GNAQ: variants seen among roughly 807,000 people sequenced by gnomAD.
The protein encoded by GNAQ is guanine nucleotide-binding protein G(q) subunit alpha.
In GNAQ, 8 loss-of-function variants were observed where a neutral mutation model predicts 43.9. The observed-to-expected ratio is 0.18, with a 90% confidence interval of 0.11 to 0.33. The LOEUF (loss-of-function observed/expected upper bound fraction) is 0.33. Ranked by LOEUF, GNAQ falls within the 10% of genes least tolerant of loss-of-function variation. The pLI is 1.00. For missense variants in GNAQ, 158 were observed against 450.8 expected (o/e 0.35, Z 5.88); for synonymous variants, 155 against 170.7 (o/e 0.91, Z 0.71).
At chr9:77,855,710 T>C (rs1218245689) in intron 2 of GNAQ, among the ~76,000 whole-genome samples, 1 of 152,044 alleles carries the variant, frequency 6.6e-6, no homozygotes, top group Non-Finnish European at 1.5e-5. Flanking sequence ...TTTAATTTCC[T>C]AGTGAAAGTC....
At chr9:77,907,530 C>T (rs1034637255) in intron 2 of GNAQ, among the ~76,000 whole-genome samples, 7 of 152,194 alleles carry the variant, frequency 4.6e-5, no homozygotes, top group African/African-American at 1.4e-4. Context: ...ACATGTCTTA[C>T]ACTTCCTCTG....
chr9:77,907,829 A>C (rs1828735758), intron 2 of GNAQ, among the ~76,000 whole-genome samples: 1 of 152,188 alleles, frequency 6.6e-6, no homozygotes, highest in Non-Finnish European at 1.5e-5. Flanking sequence ...CAGTAACTTT[A>C]GCTGGCTGAA....
intron 5 of GNAQ, among the ~76,000 whole-genome samples, chr9:77,730,456 T>TTGTA (rs1825470449): frequency 1.4e-4 from 21 of 152,322 alleles, no homozygotes; most frequent in Admixed American, 1.2e-3. Flanking sequence ...ATAATCTGGA[T>TTGTA]CCTGAATATG....
chr9:77,909,683 TA>T (rs71360667), intron 2 of GNAQ, among the ~76,000 whole-genome samples: 164 of 131,840 alleles, frequency 1.2e-3, no homozygotes, highest in Non-Finnish European at 1.4e-3. Flanking sequence ...CACAAGATAG[TA>T]AAAAAAAAAA....
chr9:77,977,519 T>C (rs1460048118), intron 1 of GNAQ, among the ~76,000 whole-genome samples: 2 of 151,906 alleles, frequency 1.3e-5, no homozygotes, highest in East Asian at 3.9e-4. Context: ...TACAGCAAAG[T>C]CGAAATTTCC....
chr9:77,833,327 C>T (rs996701575), intron 2 of GNAQ, among the ~76,000 whole-genome samples: 1 of 152,210 alleles, frequency 6.6e-6, no homozygotes, highest in African/African-American at 2.4e-5. Flanking sequence ...GGTAGTAGCA[C>T]CTCTCTCCCT....
intron 5 of GNAQ, among the ~76,000 whole-genome samples, chr9:77,732,107 G>T (rs555486674): frequency 1.1e-4 from 16 of 152,222 alleles, no homozygotes; most frequent in Middle Eastern, 6.8e-3. Flanking sequence ...ACTTTGCTCA[G>T]TAAAAATTGA....
At chr9:77,805,945 T>C (rs562619613) in intron 3 of GNAQ, among the ~76,000 whole-genome samples, 3 of 152,324 alleles carry the variant, frequency 2.0e-5, no homozygotes, top group South Asian at 2.1e-4. Context: ...ATTTGGTAAA[T>C]AGTTTCATTA....
intron 2 of GNAQ, among the ~76,000 whole-genome samples, chr9:77,833,179 G>T (rs563966799): frequency 6.6e-6 from 1 of 152,016 alleles, no homozygotes; most frequent in Non-Finnish European, 1.5e-5. Flanking sequence ...TGTTGGCCAG[G>T]CTGGTCTCAA....
chr9:77,778,649 G>T (rs901973311), intron 5 of GNAQ, among the ~76,000 whole-genome samples: 1 of 151,066 alleles, frequency 6.6e-6, no homozygotes, highest in Non-Finnish European at 1.5e-5. Context: ...GGCCAGAATG[G>T]ATAAAAAAAA....
intron 1 of GNAQ, among the ~76,000 whole-genome samples, chr9:77,953,247 C>A (rs1281339017): frequency 2.0e-5 from 3 of 152,132 alleles, no homozygotes; most frequent in African/African-American, 7.2e-5. Flanking sequence ...AAATGTAGGA[C>A]CAGGTCTATT....
At position 77,779,215 on chromosome 9, in the gene GNAQ, G is replaced by A. The variant is rs28806181; in HGVS notation, c.735+15248C>T. 3.6e-3 allele frequency among the ~76,000 whole-genome samples: 552 copies of A among 151,730 alleles called. 5 individuals carry two copies. Among genetic ancestry groups the A allele is most frequent in the African/African-American group, 0.013 (526 of 41,444 alleles). On this transcript the variant is annotated intron_variant, in intron 5 of 6. Coordinates refer to ENST00000286548, the MANE Select transcript of GNAQ (RefSeq NM_002072.5). ...TTTAAAAGAATGAAAATCATACAAC[G>A]TCTGTTTTCATACCACAATGAAATG...
chr9:78,018,751 AAG>A (rs1418995244), intron 1 of GNAQ, among the ~76,000 whole-genome samples: 1 of 152,232 alleles, frequency 6.6e-6, no homozygotes, highest in East Asian at 1.9e-4. Context: ...TCATTCCAAA[AAG>A]AGAATAAAAG....
At chr9:77,886,867 T>C (rs1828315288) in intron 2 of GNAQ, among the ~76,000 whole-genome samples, 1 of 151,778 alleles carries the variant, frequency 6.6e-6, no homozygotes, top group African/African-American at 2.4e-5. Context: ...TCCCAGCACT[T>C]TGGGAGGCTG....
intron 5 of GNAQ, among the ~76,000 whole-genome samples, chr9:77,789,051 G>A (rs2118426853): frequency 6.6e-6 from 1 of 152,248 alleles, no homozygotes; most frequent in South Asian, 2.1e-4. Flanking sequence ...CCTTTCATTG[G>A]TTGCTAAGAG....
chr9:77,960,448 T>C (rs1454458490), intron 1 of GNAQ, among the ~76,000 whole-genome samples: 4 of 152,190 alleles, frequency 2.6e-5, no homozygotes, highest in African/African-American at 9.6e-5. Flanking sequence ...TTGCCCTTAG[T>C]TGCCCTGTTA....
At chr9:77,763,828 G>C (rs1370472503) in intron 5 of GNAQ, among the ~76,000 whole-genome samples, 1 of 152,222 alleles carries the variant, frequency 6.6e-6, no homozygotes, top group Non-Finnish European at 1.5e-5. Flanking sequence ...AACAGTTTGT[G>C]AAAGTCTGTA....
chr9:77,795,156 T>C (rs1206910223), intron 4 of GNAQ, among the ~76,000 whole-genome samples: 1 of 152,296 alleles, frequency 6.6e-6, no homozygotes, highest in Admixed American at 6.5e-5. Context: ...TTCTTCCCAA[T>C]ATTGATAAGA....
At chr9:77,820,265 C>T (rs1827092231) in intron 2 of GNAQ, among the ~76,000 whole-genome samples, 1 of 152,160 alleles carries the variant, frequency 6.6e-6, no homozygotes, top group South Asian at 2.1e-4. Context: ...TTTGCAAATA[C>T]TGCTTAGCAT....
Sources: gnomAD v4.1 joint callset for allele counts (sites outside exome capture counted in the v4.1 genomes callset) on GRCh38, gnomAD v4.1.1 for gene constraint, MANE v1.5 for transcripts, NCBI Gene and HGNC (gene_info 2026-07-23, HGNC 2026-07-21) for gene names.